HMCN2: variants seen among roughly 807,000 people sequenced by gnomAD.
The protein encoded by HMCN2 is hemicentin 2.
In HMCN2, 325 loss-of-function variants were observed where a neutral mutation model predicts 377.5. The observed-to-expected ratio is 0.86, with a 90% CI of 0.79 to 0.94. HMCN2 has a LOEUF of 0.94. Among genes scored for constraint, HMCN2 ranks in the 40% least tolerant of loss-of-function variants. The pLI is 0.00. For missense variants in HMCN2, 4,543 were observed against 4,725.3 expected (o/e 0.96, Z 1.13); for synonymous variants, 2,007 against 2,046.8 (o/e 0.98, Z 0.53).
Position 130,365,747 on chromosome 9 carries a change from G to A in HMCN2, c.6505+20G>A, listed in dbSNP as rs1840657856. 1 of 984,114 alleles carries A rather than the reference G, an allele frequency of 1.0e-6. No homozygotes were observed. Among genetic ancestry groups the A allele is most frequent in the Admixed American group, 6.2e-5 (1 of 16,252 alleles). The allele number at this position is 984,114 out of a possible 1,614,324, so 61.0% of individuals were successfully genotyped here. On this transcript the variant is annotated intron_variant, in intron 42 of 97. Coordinates refer to ENST00000683500, the MANE Select transcript of HMCN2 (RefSeq NM_001291815.2). ...TCTGGGGTGAGGGTCTCCCAGGCTG[G>A]GCAGGGGGAGGGGGCTGCTGCCTTG...
At chr9:130,403,509 C>T (rs1251157548) in intron 79 of HMCN2, among the ~76,000 whole-genome samples, 181 bp downstream of exon 79, 1 of 152,222 alleles carries the variant, frequency 6.6e-6, no homozygotes, top group Non-Finnish European at 1.5e-5. Context: ...AACCCTTCTC[C>T]TGTCACCATG....
chr9:130,433,423 GC>G lies in HMCN2; in HGVS notation c.14974del (p.Leu4992TrpfsTer100). 6.7e-7 allele frequency: 1 copy of G among 1,492,702 alleles called. No individual in the cohort carries two copies. 92.5% of individuals were successfully genotyped at this position (1,492,702 alleles called of 1,614,324 possible). The stretch of plus-strand genomic sequence containing the variant: ...CGCTGCAGTACCGGCTGCTGCCGCT[GC>G]CCCTGGGCGTGCGCGCCCACCACGA... Reference protein sequence around the residue: ...STLQYRLLPLPLGVRAHHDVA... With the variant: ...STLQYRLLPLXLGVRAHHDVA... On this transcript the variant is annotated frameshift_variant, in exon 98 of 98. Coordinates refer to ENST00000683500, the MANE Select transcript of HMCN2 (RefSeq NM_001291815.2). LOFTEE classifies it high-confidence loss of function.
rs762999888 is a variant in HMCN2, at chr9:130,399,540, C to T, written c.11513C>T (p.Thr3838Met). The T allele has an allele frequency of 4.0e-5, 52 of 1,289,228 alleles. No homozygotes were observed. The highest frequency in any genetic ancestry group is 3.3e-4 in the East Asian group (6 of 18,008). The allele number at this position is 1,289,228 out of a possible 1,614,324, so 79.9% of individuals were successfully genotyped here. Residue 3838 changes from threonine (T) to methionine (M), a missense_variant, in exon 76 of 98, where the codon ACG (threonine) becomes ATG (methionine). Transcript: ENST00000683500. ...CTGCCCTCCAACGCCCTGCTCCTCA[C>T]GGCCCCCGGCCCCCAGGACTCAGCC... Reference protein sequence around the residue: ...RLLPSNALLLTAPGPQDSAQF... With the variant: ...RLLPSNALLLMAPGPQDSAQF...
In HMCN2 at chr9:130,433,573, G is replaced by A. The variant is rs12378343; in HGVS notation, c.15120G>A (p.Ala5040=). The A allele has an allele frequency of 0.12, 183,903 of 1,473,188 alleles. 12,265 individuals are homozygous for A. Among genetic ancestry groups the A allele is most frequent in the Non-Finnish European group, 0.14 (152,003 of 1,116,974 alleles). 91.3% of individuals were successfully genotyped at this position (1,473,188 alleles called of 1,614,324 possible). Residue 5040 remains alanine, a synonymous_variant, in exon 98 of 98, where the codon GCG becomes GCA. Transcript: ENST00000683500. ...GTCCGCTGCGCGCGGGCCTTGGCGC[G>A]GTCTACACCCGTCGCGCGCTCACCC... The part of the protein sequence containing the change: ...ALRPLRAGLG[A]VYTRRALTRA...
intron 4 of HMCN2, among the ~76,000 whole-genome samples, chr9:130,293,303 G>C (rs4427264): frequency 1.3e-5 from 1 of 77,280 alleles, no homozygotes; most frequent in East Asian, 3.5e-4. Context: ...TTTTTTTTGC[G>C]GTTCTTGTTG....
Position 130,357,861 on chromosome 9 carries a change from G to A in HMCN2, c.5453G>A (p.Gly1818Asp). ...HEFPSVSIIG[G>D]ENITAPFLQP... is the part of the protein sequence containing the mutation. ...TTCCCATCGGTCAGTATCATTGGGG[G>A]TGAGAACATCACAGCTCCTTTCCTG... Residue 1818 changes from glycine to aspartate, a missense_variant, in exon 35 of 98, where the codon GGT (glycine) becomes GAT (aspartate). Around this residue, in one of 5 missense-constraint regions of HMCN2, gnomAD observed 1,032 missense variants for 1,285.1 expected, o/e 0.80. Coordinates refer to ENST00000683500, the MANE Select transcript of HMCN2 (RefSeq NM_001291815.2). The A allele has an allele frequency of 7.7e-7, 1 of 1,304,088 alleles. No individual in the cohort carries two copies. Among genetic ancestry groups the A allele is most frequent in the Non-Finnish European group, 1.0e-6 (1 of 988,858 alleles). The allele number at this position is 1,304,088 out of a possible 1,614,324, so 80.8% of individuals were successfully genotyped here.
intron 36 of HMCN2, among the ~76,000 whole-genome samples, chr9:130,358,751 G>A (rs928971909): frequency 5.8e-4 from 88 of 151,712 alleles, no homozygotes; most frequent in African/African-American, 2.0e-3. Context: ...TCGGCTCACC[G>A]CAAGCTCCGC....
In HMCN2 at chr9:130,345,362, G is replaced by A. The variant is rs898662805; in HGVS notation, c.3830-1804G>A. Among the ~76,000 whole-genome samples, 824 of 148,380 alleles carry A rather than the reference G, an allele frequency of 5.6e-3. 5 individuals carry two copies. The highest frequency in any genetic ancestry group is 0.02 in the African/African-American group (790 of 40,182). On this transcript the variant is annotated intron_variant, in intron 25 of 97. Transcript: ENST00000683500. ...TATGTTTGTGGTGTGTGGTGTGTAT[G>A]TGGTATGTGTGGTATGTGTAGTGTG...
chr9:130,345,699 C>T (rs955690257), intron 25 of HMCN2, among the ~76,000 whole-genome samples: 3 of 151,716 alleles, frequency 2.0e-5, no homozygotes, highest in Non-Finnish European at 2.9e-5. Flanking sequence ...GTGGGACATT[C>T]TGGCCTGCAT....
intron 13 of HMCN2, 31 bp from the exon 14 acceptor site, chr9:130,307,422 G>T (rs1554937216): frequency 2.1e-6 from 1 of 470,364 alleles, no homozygotes; most frequent in Non-Finnish European, 4.4e-6. Context: ...TTGAAGGTTG[G>T]TCCCAAATTC....
At chr9:130,370,552 A>G (rs1038404553) in intron 45 of HMCN2, among the ~76,000 whole-genome samples, 6 of 152,230 alleles carry the variant, frequency 3.9e-5, no homozygotes, top group African/African-American at 1.4e-4. Context: ...TCCTTCAGGA[A>G]CAGGTTCCTT....
intron 27 of HMCN2, 59 bp from the exon 28 acceptor site, chr9:130,348,925 A>T (rs1839543627): frequency 1.1e-5 from 14 of 1,276,714 alleles, no homozygotes; most frequent in Non-Finnish European, 1.4e-5. Context: ...CTCATTACTG[A>T]TGCTGGGGGT....
Position 130,410,617 on chromosome 9 carries a change from G to C in HMCN2, c.12926G>C (p.Gly4309Ala), listed in dbSNP as rs1308845101. ...CAGTGCCTGGCAGAGAATGAGATGGGCGTGGCGAAGAAAGTGGTGATCCTC... is the reference window on the plus strand; with the variant it reads ...CAGTGCCTGGCAGAGAATGAGATGGCCGTGGCGAAGAAAGTGGTGATCCTC... ...RYQCLAENEM[G>A]VAKKVVILVL... Residue 4309 changes from glycine (G) to alanine (A), a missense_variant, in exon 85 of 98, where the codon GGC becomes GCC. By Grantham distance (60) the Gly-to-Ala change is moderately conservative. Coordinates refer to ENST00000683500, the MANE Select transcript of HMCN2 (RefSeq NM_001291815.2). 3.2e-6 allele frequency: 5 copies of C among 1,550,520 alleles called. No individual in the cohort carries two copies. In the South Asian group the frequency reaches 4.8e-5, roughly 15 times the overall value.
In HMCN2 at chr9:130,395,973, A is replaced by G; in HGVS notation, c.10961A>G (p.Gln3654Arg). Reference sequence around the variant, plus strand: ...GAGCGGGGCAGGTTCCTCCAGCTGCAGGCCCTGAGCACGGCTGACAGCGGC... The same window carrying G: ...GAGCGGGGCAGGTTCCTCCAGCTGCGGGCCCTGAGCACGGCTGACAGCGGC... The part of the protein sequence containing the change: ...FPERGRFLQL[Q>R]ALSTADSGDY... Residue 3654 changes from glutamine to arginine, a missense_variant, in exon 72 of 98, where the codon CAG becomes CGG. Coordinates refer to ENST00000683500, the MANE Select transcript of HMCN2 (RefSeq NM_001291815.2). 7.8e-7 allele frequency: 1 copy of G among 1,287,576 alleles called. No individual in the cohort carries two copies. Among genetic ancestry groups the G allele is most frequent in the Non-Finnish European group, 1.0e-6 (1 of 988,732 alleles). The allele number at this position is 1,287,576 out of a possible 1,614,324, so 79.8% of individuals were successfully genotyped here.
chr9:130,365,572 T>C, intron 41 of HMCN2, 59 bp from the exon 42 acceptor site: 1 of 844,206 alleles, frequency 1.2e-6, no homozygotes, highest in Non-Finnish European at 1.4e-6. Context: ...ACACAGTCTG[T>C]CCAGGGCTCA....
chr9:130,348,753 G>T, intron 27 of HMCN2, 78 bp downstream of exon 27: 1 of 1,278,318 alleles, frequency 7.8e-7, no homozygotes, highest in Non-Finnish European at 1.0e-6. Context: ...GCATTTCTGC[G>T]TGTGCCAAGG....
rs1238992468 is a variant in HMCN2 at position 130,425,867 on chromosome 9, G to A, written c.13822G>A (p.Ala4608Thr). The A allele has an allele frequency of 1.9e-6, 3 of 1,550,376 alleles. No homozygotes were observed. Among genetic ancestry groups the A allele is most frequent in the East Asian group, 4.9e-5 (2 of 40,890 alleles). Residue 4608 changes from alanine (A) to threonine (T), a missense_variant, in exon 90 of 98, where the codon GCC becomes ACC. Transcript: ENST00000683500. Reference sequence around the variant, plus strand: ...CCTGCGGGCCTCAGCTATCAGCTCGGCCTTTGATCCAGAGGCCGAGGCCCT... The same window carrying A: ...CCTGCGGGCCTCAGCTATCAGCTCGACCTTTGATCCAGAGGCCGAGGCCCT... ...QHLRASAISS[A>T]FDPEAEALRF...
chr9:130,337,334 G>A (rs1367266819), intron 22 of HMCN2, among the ~76,000 whole-genome samples: 1 of 152,122 alleles, frequency 6.6e-6, no homozygotes, highest in African/African-American at 2.4e-5. Context: ...CTGGACGTAA[G>A]AGCACCAAGC....
chr9:130,385,875 C>A, intron 60 of HMCN2, 113 bp downstream of exon 60: 1 of 629,542 alleles, frequency 1.6e-6, no homozygotes, highest in Non-Finnish European at 2.4e-6. Flanking sequence ...GCCTCCTTGG[C>A]CTGTCAGACC....
Sources: allele counts gnomAD v4.1 joint callset (sites outside exome capture counted in the v4.1 genomes callset), GRCh38; gene constraint gnomAD v4.1.1; regional missense constraint gnomAD v4.1.1; transcripts MANE v1.5; gene names NCBI Gene and HGNC (gene_info 2026-07-23, HGNC 2026-07-21).